SLIT3: variants seen among roughly 807,000 people sequenced by gnomAD.
The protein encoded by SLIT3 is slit guidance ligand 3, also known as slit homolog 3 protein.
A neutral mutation model predicts 184.0 loss-of-function variants in SLIT3; 68 were observed. The observed-to-expected ratio is 0.37, with a 90% CI of 0.30 to 0.45. SLIT3 has a LOEUF of 0.45. SLIT3 is among the 20% of genes least tolerant of loss of function. The probability of loss-of-function intolerance (pLI) is 1.00; values close to 1 mark genes in which losing one functional copy is unlikely to be tolerated. For synonymous variants in SLIT3, 831 were observed against 828.6 expected, an observed-to-expected ratio of 1.00 and a Z score of -0.05; for missense variants, 1,707 against 2,026.0, an observed-to-expected ratio of 0.84 and a Z score of 3.02.
intron 4 of SLIT3, among the ~76,000 whole-genome samples, 154 bp from the exon 5 acceptor site, chr5:168,883,490 GCATT>G (rs1410063490): frequency 2.0e-5 from 3 of 152,222 alleles, no homozygotes; most frequent in Non-Finnish European, 4.4e-5. Context: ...GCTGCTACAA[GCATT>G]CACATTGTTC....
At chr5:168,999,495 C>T (rs192215024) in intron 4 of SLIT3, among the ~76,000 whole-genome samples, 17 of 151,796 alleles carry the variant, frequency 1.1e-4, no homozygotes, top group Admixed American at 3.3e-4. Context: ...ATCATATCCC[C>T]ATCCCCTTCC....
chr5:168,936,295 T>C (rs1811372), intron 4 of SLIT3, among the ~76,000 whole-genome samples: 76,533 of 152,008 alleles, frequency 0.5, 20,234 homozygotes, highest in African/African-American at 0.68. Flanking sequence ...AGTTCAGTGG[T>C]GCAATCTCGG....
chr5:169,011,171 C>T (rs1756130770), intron 4 of SLIT3, among the ~76,000 whole-genome samples: 1 of 152,170 alleles, frequency 6.6e-6, no homozygotes, highest in Non-Finnish European at 1.5e-5. Flanking sequence ...TGAGTCCCAG[C>T]CTGGCCCAGG....
intron 4 of SLIT3, among the ~76,000 whole-genome samples, chr5:169,160,942 A>G (rs1762456770): frequency 6.6e-6 from 1 of 152,198 alleles, no homozygotes; most frequent in Non-Finnish European, 1.5e-5. Flanking sequence ...AAAGGGCAGA[A>G]AGCCTTCAGA....
At chr5:169,112,176 G>A (rs767434209) in intron 4 of SLIT3, among the ~76,000 whole-genome samples, 1 of 152,234 alleles carries the variant, frequency 6.6e-6, no homozygotes, top group Non-Finnish European at 1.5e-5. Flanking sequence ...AATGGGGGCA[G>A]GAGAGGCACC....
In SLIT3 at chr5:168,855,225, T is replaced by C. The variant is rs79708609; in HGVS notation, c.486-10570A>G. ...TAAAATAATGAGAAACAATAAGTGC[T>C]CGGTGAGGATGTGGAGAAACTGGAA... On this transcript the variant is annotated intron_variant, in intron 5 of 35. Transcript: ENST00000519560. Among the ~76,000 whole-genome samples, 11 of 152,226 alleles carry C rather than the reference T, an allele frequency of 7.2e-5. No individual in the cohort carries two copies. In the East Asian group the frequency reaches 2.1e-3, roughly 29 times the overall value.
intron 4 of SLIT3, among the ~76,000 whole-genome samples, chr5:169,094,285 G>A (rs368075624): frequency 2.6e-5 from 4 of 152,168 alleles, no homozygotes; most frequent in African/African-American, 7.2e-5. Flanking sequence ...CCAAGGTCAC[G>A]GTGCTAATAA....
intron 4 of SLIT3, among the ~76,000 whole-genome samples, chr5:169,083,313 A>ACT (rs59854886): frequency 0.045 from 6,786 of 152,108 alleles, 462 homozygotes; most frequent in East Asian, 0.25. Context: ...ATACAAAAAG[A>ACT]CTCTAGGTTA....
chr5:169,217,402 G>T (rs547737528), intron 3 of SLIT3, among the ~76,000 whole-genome samples: 1 of 152,154 alleles, frequency 6.6e-6, no homozygotes. Context: ...GCTGAAGTAC[G>T]TGGCAATCCC....
chr5:168,833,032 AT>A (rs1411337290), intron 6 of SLIT3, among the ~76,000 whole-genome samples: 1 of 152,230 alleles, frequency 6.6e-6, no homozygotes. Context: ...CCAGTGATGA[AT>A]TATCTTTAAA....
At chr5:169,115,371 C>A (rs1718936798) in intron 4 of SLIT3, among the ~76,000 whole-genome samples, 1 of 152,178 alleles carries the variant, frequency 6.6e-6, no homozygotes. Flanking sequence ...TTACTCACAG[C>A]AATTAGCAGA....
intron 35 of SLIT3, among the ~76,000 whole-genome samples, chr5:168,669,380 C>T (rs78918753): frequency 0.038 from 5,751 of 152,326 alleles, 337 homozygotes; most frequent in African/African-American, 0.13. Flanking sequence ...CGCCAACACC[C>T]AGCGCCATGG....
chr5:168,907,979 T>G (rs4476740), intron 4 of SLIT3, among the ~76,000 whole-genome samples: 28,338 of 48,696 alleles, frequency 0.58, 8,315 homozygotes, highest in African/African-American at 0.7. Flanking sequence ...TATATATATA[T>G]AGAGAGAGAG....
chr5:168,839,839 C>A (rs75021473), intron 6 of SLIT3, among the ~76,000 whole-genome samples: 56 of 152,190 alleles, frequency 3.7e-4, no homozygotes, highest in Non-Finnish European at 6.6e-4. Context: ...GACAGAAACA[C>A]GGGTGAGGAG....
chr5:168,734,213 C>T lies in SLIT3; in HGVS notation c.2271-9729G>A, dbSNP rs1273673311. Among the ~76,000 whole-genome samples, 3 of 152,224 alleles carry T rather than the reference C, an allele frequency of 2.0e-5. No homozygotes were observed. In the East Asian group the frequency reaches 5.8e-4, roughly 29 times the overall value. ...GTCAACTGACTGTAGATATTAATTG[C>T]ATTTACAAAATACCTTCACAGCAAC... On this transcript the variant is annotated intron_variant, in intron 20 of 35. Coordinates refer to ENST00000519560, the MANE Select transcript of SLIT3 (RefSeq NM_003062.4).
intron 4 of SLIT3, among the ~76,000 whole-genome samples, chr5:169,079,962 G>A (rs73314020): frequency 0.035 from 5,341 of 150,794 alleles, 224 homozygotes; most frequent in African/African-American, 0.099. Flanking sequence ...GAAGGAAGAA[G>A]AGGAGGAGAT....
intron 1 of SLIT3, among the ~76,000 whole-genome samples, chr5:169,262,621 C>A (rs1766231308): frequency 1.3e-5 from 2 of 152,156 alleles, no homozygotes; most frequent in South Asian, 4.1e-4. Context: ...GAGCCCTCAG[C>A]CTCATTCCCC....
intron 4 of SLIT3, among the ~76,000 whole-genome samples, chr5:168,897,100 C>T (rs1658722979): frequency 1.4e-5 from 2 of 146,954 alleles, no homozygotes. Flanking sequence ...TTGGGGCTTA[C>T]ATTTCAATGA....
In SLIT3 at chr5:169,167,416, A is replaced by G. The variant is rs200557761; in HGVS notation, c.413+26063T>C. The stretch of plus-strand genomic sequence containing the variant: ...CAGCCTCCCGAGTAGCTGGGATTAC[A>G]GGTGCCCACCACCACACCTGGCTAA... On this transcript the variant is annotated intron_variant, in intron 4 of 35. Coordinates refer to ENST00000519560, the MANE Select transcript of SLIT3 (RefSeq NM_003062.4). Among the ~76,000 whole-genome samples the G allele has an allele frequency of 1.7e-4, 25 of 151,240 alleles. No individual in the cohort carries two copies. The East Asian group carries it at 4.6e-3, about 28-fold the overall frequency.
Sources: gnomAD v4.1 joint callset for allele counts (sites outside exome capture counted in the v4.1 genomes callset) on GRCh38, gnomAD v4.1.1 for gene constraint, MANE v1.5 for transcripts, NCBI Gene and HGNC (gene_info 2026-07-23, HGNC 2026-07-21) for gene names.